Variants in BLTP1 observed in about 807,000 individuals in gnomAD.
The protein encoded by BLTP1 is bridge-like lipid transfer protein family member 1.
the BLTP1 span, chr4:122,223,864 GATTCTTTATTCTTAATA>G: frequency 2.6e-6 from 1 of 385,628 alleles, no homozygotes; most frequent in Non-Finnish European, 3.5e-6. Context: ...AAACTTATTT[GATTCTTTATTCTTAATA>G]ATGTGTGGAA....
chr4:122,332,817 T>C, the BLTP1 span, among the ~76,000 whole-genome samples: 2 of 117,042 alleles, frequency 1.7e-5, no homozygotes, highest in Non-Finnish European at 3.5e-5. Flanking sequence ...AGTGTGATAT[T>C]CCCCTTCCTG....
chr4:122,227,388 A>G, the BLTP1 span: 2 of 985,238 alleles, frequency 2.0e-6, no homozygotes, highest in Non-Finnish European at 2.4e-6. Context: ...GTGCAGTGGC[A>G]ATGAAATGCC....
chr4:122,207,045 T>C, the BLTP1 span: 31 of 1,448,536 alleles, frequency 2.1e-5, no homozygotes, highest in African/African-American at 3.8e-4. Flanking sequence ...TTAGAAAATC[T>C]GTGTTTTACT....
At chr4:122,230,183 T>G in the BLTP1 span, 1 of 1,614,010 alleles carries the variant, frequency 6.2e-7, no homozygotes, top group Non-Finnish European at 8.5e-7. Context: ...AAGACATTTC[T>G]TAGAAACTCA....
the BLTP1 span, chr4:122,224,969 G>A: frequency 2.7e-6 from 3 of 1,127,554 alleles, no homozygotes; most frequent in Non-Finnish European, 3.3e-6. Context: ...TTTTCTAGAA[G>A]TCATTAATAT....
chr4:122,152,379 C>A, the BLTP1 span: 5 of 985,742 alleles, frequency 5.1e-6, no homozygotes, highest in Non-Finnish European at 4.8e-6. Context: ...TCCTCCGCCC[C>A]CTTGGGTGTC....
the BLTP1 span, chr4:122,289,776 G>T: frequency 2.0e-6 from 2 of 980,608 alleles, no homozygotes; most frequent in Non-Finnish European, 2.4e-6. Context: ...CCATAAATTG[G>T]CATCAAAAGG....
At chr4:122,254,598 T>A in the BLTP1 span, 1 of 909,104 alleles carries the variant, frequency 1.1e-6, no homozygotes, top group Non-Finnish European at 1.3e-6. Context: ...TCTTTTTATC[T>A]CTGACAGGCT....
At chr4:122,343,935 C>T in the BLTP1 span, 9 of 901,796 alleles carry the variant, frequency 1.0e-5, no homozygotes, top group Admixed American at 1.2e-4. Context: ...CAACAAACTG[C>T]GTAGAAAGTA....
the BLTP1 span, chr4:122,235,572 A>C: frequency 1.9e-6 from 1 of 532,952 alleles, no homozygotes; most frequent in East Asian, 1.5e-4. Flanking sequence ...TTGGGAGGCC[A>C]AGGTGGGCGG....
the BLTP1 span, among the ~76,000 whole-genome samples, chr4:122,296,420 A>G: frequency 6.6e-6 from 1 of 152,216 alleles, no homozygotes; most frequent in Non-Finnish European, 1.5e-5. Flanking sequence ...ATCAGAGAGG[A>G]CACAAACAAA....
At chr4:122,203,004 T>C in the BLTP1 span, among the ~76,000 whole-genome samples, 2 of 152,006 alleles carry the variant, frequency 1.3e-5, no homozygotes, top group Non-Finnish European at 2.9e-5. Flanking sequence ...TCTGTTGTTT[T>C]TAAAAGACAT....
the BLTP1 span, among the ~76,000 whole-genome samples, chr4:122,280,691 T>A: frequency 2.0e-5 from 3 of 150,110 alleles, no homozygotes; most frequent in Admixed American, 6.6e-5. Context: ...AACAACCATG[T>A]AAAAGGTTAA....
At chr4:122,347,706 A>G in the BLTP1 span, 1 of 1,613,876 alleles carries the variant, frequency 6.2e-7, no homozygotes, top group African/African-American at 1.3e-5. Context: ...CACCAGGGAC[A>G]GTAGGACAGA....
At chr4:122,198,411 G>C in the BLTP1 span, 2 of 985,348 alleles carry the variant, frequency 2.0e-6, no homozygotes, top group African/African-American at 3.5e-5. Context: ...GTATGATGGG[G>C]TATAAAGGCA....
the BLTP1 span, chr4:122,173,229 A>C: frequency 6.9e-7 from 1 of 1,454,980 alleles, no homozygotes; most frequent in Non-Finnish European, 9.5e-7. Context: ...TGTTGCTATA[A>C]CTGAATGCCT....
the BLTP1 span, chr4:122,341,863 A>T: frequency 1.0e-6 from 1 of 971,474 alleles, no homozygotes; most frequent in East Asian, 1.1e-4. Context: ...ACGTGAAGTA[A>T]GTATGGGTTA....
chr4:122,309,681 A>G, the BLTP1 span, among the ~76,000 whole-genome samples: 1 of 152,100 alleles, frequency 6.6e-6, no homozygotes, highest in South Asian at 2.1e-4. Context: ...TTTTGGTACT[A>G]TAACATTTGA....
the BLTP1 span, chr4:122,328,679 A>T: frequency 1.0e-6 from 1 of 982,982 alleles, no homozygotes; most frequent in Non-Finnish European, 1.2e-6. Context: ...GCATTACATT[A>T]ACAGATTGCA....
Sources: allele counts gnomAD v4.1 joint callset (sites outside exome capture counted in the v4.1 genomes callset), GRCh38; gene constraint gnomAD v4.1.1; transcripts MANE v1.5; gene names NCBI Gene and HGNC (gene_info 2026-07-23, HGNC 2026-07-21).